DSCAM: variants seen among roughly 807,000 people sequenced by gnomAD.
DSCAM encodes the protein DS cell adhesion molecule, also known as cell adhesion molecule DSCAM.
Under a neutral mutation model 217.7 loss-of-function variants are expected in DSCAM, and 47 were observed. The observed-to-expected ratio is 0.22, with a 90% CI of 0.17 to 0.28. The LOEUF (loss-of-function observed/expected upper bound fraction) is 0.28. Among genes scored for constraint, DSCAM ranks in the 10% least tolerant of loss-of-function variants. DSCAM has a pLI of 1.00. For synonymous variants in DSCAM, 1,056 were observed against 1,015.3 expected, an observed-to-expected ratio of 1.04 and a Z score of -0.76; for missense variants, 2,080 against 2,618.3, an observed-to-expected ratio of 0.79 and a Z score of 4.49.
intron 3 of DSCAM, among the ~76,000 whole-genome samples, chr21:40,678,214 G>A (rs762852432): frequency 5.9e-5 from 9 of 152,174 alleles, no homozygotes; most frequent in East Asian, 1.9e-4. Flanking sequence ...TATATCTGGC[G>A]TGTTTCTATC....
At chr21:40,569,738 G>A (rs2837712) in intron 3 of DSCAM, among the ~76,000 whole-genome samples, 2 of 151,930 alleles carry the variant, frequency 1.3e-5, no homozygotes, top group South Asian at 4.1e-4. Context: ...AGACCTTTCA[G>A]GAGCTTCAAT....
At chr21:40,387,099 T>C (rs1044945973) in intron 3 of DSCAM, among the ~76,000 whole-genome samples, 2 of 152,210 alleles carry the variant, frequency 1.3e-5, no homozygotes, top group Non-Finnish European at 2.9e-5. Flanking sequence ...TTAGACAAGC[T>C]GCATAAATCT....
intron 1 of DSCAM, among the ~76,000 whole-genome samples, chr21:40,818,495 A>G (rs1022425896): frequency 1.4e-4 from 19 of 134,950 alleles, no homozygotes; most frequent in South Asian, 1.0e-3. Flanking sequence ...GCAGTGAGCC[A>G]AGATCGCACC....
intron 8 of DSCAM, among the ~76,000 whole-genome samples, chr21:40,314,106 T>C (rs2074170517): frequency 6.6e-6 from 1 of 152,190 alleles, no homozygotes. Context: ...GCAATGAGCA[T>C]AACCCATCAG....
At chr21:40,278,857 G>T (rs986875261) in intron 10 of DSCAM, among the ~76,000 whole-genome samples, 5 of 152,174 alleles carry the variant, frequency 3.3e-5, no homozygotes, top group African/African-American at 9.7e-5. Context: ...AAATAAGATA[G>T]TCTAAAAAAC....
At chr21:40,766,691 A>AAAAAAAAAAT (rs1555887014) in intron 1 of DSCAM, among the ~76,000 whole-genome samples, 1 of 65,870 alleles carries the variant, frequency 1.5e-5, no homozygotes, top group African/African-American at 7.3e-5. Flanking sequence ...AAAAAAAACA[A>AAAAAAAAAAT]CTTTTTTTTT....
chr21:40,493,712 A>C (rs2076094118), intron 3 of DSCAM, among the ~76,000 whole-genome samples: 1 of 151,574 alleles, frequency 6.6e-6, no homozygotes, highest in Non-Finnish European at 1.5e-5. Flanking sequence ...AAATACAAAA[A>C]ATTAGCTGGG....
intron 3 of DSCAM, among the ~76,000 whole-genome samples, chr21:40,421,912 T>C (rs767235964): frequency 2.0e-5 from 3 of 152,222 alleles, no homozygotes; most frequent in South Asian, 4.1e-4. Context: ...AAATGTCCTA[T>C]AGGGCTGTGG....
chr21:40,185,680 C>T (rs2090886978), intron 14 of DSCAM, among the ~76,000 whole-genome samples: 1 of 152,206 alleles, frequency 6.6e-6, no homozygotes, highest in African/African-American at 2.4e-5. Flanking sequence ...CTCAAATGTG[C>T]CTGCCTCACC....
intron 11 of DSCAM, 31 bp downstream of exon 11, chr21:40,276,066 T>C: frequency 1.3e-6 from 2 of 1,521,830 alleles, no homozygotes; most frequent in East Asian, 2.3e-5. Flanking sequence ...GTATTTAAAC[T>C]AGGTAAAACG....
At chr21:40,447,930 C>T (rs2075688221) in intron 3 of DSCAM, among the ~76,000 whole-genome samples, 1 of 152,162 alleles carries the variant, frequency 6.6e-6, no homozygotes, top group Non-Finnish European at 1.5e-5. Flanking sequence ...ATTTACTTTG[C>T]TAAAGGGCAT....
chr21:40,032,714 T>A (rs1237747464), intron 32 of DSCAM, among the ~76,000 whole-genome samples: 1 of 152,132 alleles, frequency 6.6e-6, no homozygotes, highest in Admixed American at 6.5e-5. Context: ...GACACTATAG[T>A]GTTGTTGCAA....
At chr21:40,662,972 C>T (rs564130095) in intron 3 of DSCAM, among the ~76,000 whole-genome samples, 3 of 152,152 alleles carry the variant, frequency 2.0e-5, no homozygotes, top group South Asian at 4.2e-4. Context: ...TCATCAGAAG[C>T]CCAGCTTGAG....
chr21:40,496,190 C>A (rs902368647), intron 3 of DSCAM, among the ~76,000 whole-genome samples: 1 of 152,012 alleles, frequency 6.6e-6, no homozygotes, highest in South Asian at 2.1e-4. Flanking sequence ...GTATATGAAA[C>A]CCCATAAGAC....
At chr21:40,600,434 C>T (rs1490912996) in intron 3 of DSCAM, among the ~76,000 whole-genome samples, 2 of 152,132 alleles carry the variant, frequency 1.3e-5, no homozygotes, top group Admixed American at 1.3e-4. Flanking sequence ...TTCACGAGGG[C>T]AGAGACCTCA....
intron 1 of DSCAM, among the ~76,000 whole-genome samples, chr21:40,808,145 T>C (rs2091804652): frequency 6.6e-6 from 1 of 152,208 alleles, no homozygotes; most frequent in South Asian, 2.1e-4. Flanking sequence ...GGGACAAGTC[T>C]GAATGACCAT....
chr21:40,141,692 TG>T (rs780402058), intron 18 of DSCAM, among the ~76,000 whole-genome samples: 70 of 151,406 alleles, frequency 4.6e-4, no homozygotes, highest in Admixed American at 7.9e-4. Flanking sequence ...GGGCTGGAAA[TG>T]GAGGGCAGGG....
In DSCAM at chr21:40,142,603, G is replaced by A. The variant is rs1379697712; in HGVS notation, c.3361C>T (p.Leu1121Phe). 4 of 1,614,018 alleles carry A rather than the reference G, an allele frequency of 2.5e-6. No homozygotes were observed. In the African/African-American group the frequency reaches 4.0e-5, roughly 16 times the overall value. Reference sequence around the variant, plus strand: ...CAGTAAATGACTCTGAACCCCTGGAGAATTCCATTCAAGGCTTCCTTGGAA... The same window carrying A: ...CAGTAAATGACTCTGAACCCCTGGAAAATTCCATTCAAGGCTTCCTTGGAA... The part of the protein sequence containing the change: ...TLSKEALNGI[L>F]QGFRVIYWAN... Residue 1121 changes from leucine (L) to phenylalanine (F), a missense_variant, in exon 18 of 33, where the codon CTC becomes TTC. Leu to Phe is a conservative substitution (Grantham distance 22). Transcript: ENST00000400454.
At chr21:40,827,942 A>G (rs2091983383) in intron 1 of DSCAM, among the ~76,000 whole-genome samples, 1 of 152,246 alleles carries the variant, frequency 6.6e-6, no homozygotes, top group Non-Finnish European at 1.5e-5. Flanking sequence ...AATTCTTTCC[A>G]GTAGTTTTAC....
Sources: allele counts gnomAD v4.1 joint callset (sites outside exome capture counted in the v4.1 genomes callset), GRCh38; gene constraint gnomAD v4.1.1; transcripts MANE v1.5; gene names NCBI Gene and HGNC (gene_info 2026-07-23, HGNC 2026-07-21).